Variants in RPGRIP1L observed in about 807,000 individuals in gnomAD.
RPGRIP1L encodes the protein RPGRIP1 like.
A neutral mutation model predicts 160.4 loss-of-function variants in RPGRIP1L; 131 were observed. That is an observed-to-expected ratio of 0.82 (90% CI 0.71 to 0.94). The LOEUF is 0.94. Among genes scored for constraint, RPGRIP1L ranks in the 40% least tolerant of loss-of-function variants. The pLI is 0.00. For synonymous variants in RPGRIP1L, 510 were observed against 515.8 expected, an observed-to-expected ratio of 0.99 and a Z score of 0.15; for missense variants, 1,522 against 1,535.8, an observed-to-expected ratio of 0.99 and a Z score of 0.15.
At chr16:53,642,218 C>G (rs943594760) in intron 17 of RPGRIP1L, among the ~76,000 whole-genome samples, 1 of 151,492 alleles carries the variant, frequency 6.6e-6, no homozygotes, top group Admixed American at 6.6e-5. Context: ...GTTCTCACTA[C>G]GTTGCCCAGG....
Position 53,692,332 on chromosome 16 carries a change from T to A in RPGRIP1L, c.263A>T (p.Asp88Val), listed in dbSNP as rs1970445066. 1.2e-6 allele frequency: 2 copies of A among 1,614,058 alleles called. No homozygotes were observed. The highest frequency in any genetic ancestry group is 1.7e-6 in the Non-Finnish European group (2 of 1,180,026). ...ACCAACCCGCTCATATCTTTTCTTGTCATTAACTAGCCGTATTAACTTGGT... is the reference window on the plus strand; with the variant it reads ...ACCAACCCGCTCATATCTTTTCTTGACATTAACTAGCCGTATTAACTTGGT... ...MATKLIRLVN[D>V]KKRYERVGGG... is the part of the protein sequence containing the mutation. Residue 88 changes from aspartate (D) to valine (V), a missense_variant, in exon 4 of 27, where the codon GAC (aspartate) becomes GTC (valine). Coordinates refer to ENST00000647211, the MANE Select transcript of RPGRIP1L (RefSeq NM_015272.5).
At chr16:53,608,636 T>C (rs1963833300) in intron 25 of RPGRIP1L, among the ~76,000 whole-genome samples, 1 of 152,220 alleles carries the variant, frequency 6.6e-6, no homozygotes, top group Non-Finnish European at 1.5e-5. Flanking sequence ...TCTATAACTT[T>C]AGACATGTCG....
At chr16:53,676,723 C>G (rs963753143) in intron 6 of RPGRIP1L, among the ~76,000 whole-genome samples, 1 of 152,046 alleles carries the variant, frequency 6.6e-6, no homozygotes, top group African/African-American at 2.4e-5. Context: ...ACCTCCGCCT[C>G]CTGGTTTCAA....
At chr16:53,689,184 G>A (rs367631162) in intron 4 of RPGRIP1L, among the ~76,000 whole-genome samples, 103 of 151,864 alleles carry the variant, frequency 6.8e-4, no homozygotes, top group African/African-American at 2.4e-3. Context: ...CATACAATGT[G>A]TAATGATCCA....
chr16:53,670,726 T>A (rs1350813582), intron 9 of RPGRIP1L, among the ~76,000 whole-genome samples: 1 of 152,112 alleles, frequency 6.6e-6, no homozygotes, highest in Non-Finnish European at 1.5e-5. Context: ...ACAGAATAAC[T>A]CTCAGTTAAT....
At chr16:53,634,997 A>G (rs1342914424) in intron 22 of RPGRIP1L, among the ~76,000 whole-genome samples, 11 of 152,218 alleles carry the variant, frequency 7.2e-5, no homozygotes, top group African/African-American at 2.2e-4. Flanking sequence ...TGAAACCATT[A>G]TAGGAAATCA....
chr16:53,703,706 C>T (rs753260727), intron 1 of RPGRIP1L, 97 bp downstream of exon 1: 7 of 249,880 alleles, frequency 2.8e-5, no homozygotes, highest in Non-Finnish European at 5.7e-5. Context: ...CTTCTCCAGG[C>T]GGCAGAGCGG....
chr16:53,645,426 A>AT (rs1038569740), intron 17 of RPGRIP1L, among the ~76,000 whole-genome samples, 199 bp downstream of exon 17: 1 of 152,020 alleles, frequency 6.6e-6, no homozygotes, highest in African/African-American at 2.4e-5. Flanking sequence ...GTTAGTATTA[A>AT]TTTTAACTTA....
intron 22 of RPGRIP1L, 105 bp from the exon 23 acceptor site, chr16:53,622,461 TC>T (rs61563469): frequency 0.014 from 7,496 of 525,490 alleles, 184 homozygotes; most frequent in African/African-American, 0.07. Flanking sequence ...CCCTCTCCTC[TC>T]CCCCAATCCT....
At position 53,605,023 on chromosome 16, in the gene RPGRIP1L, C is replaced by T. The variant is rs75728603; in HGVS notation, c.3835+458G>A. 2.9e-3 allele frequency among the ~76,000 whole-genome samples: 434 copies of T among 151,870 alleles called. 24 individuals carry two copies. In the East Asian group the frequency reaches 0.079, roughly 28 times the overall value. On this transcript the variant is annotated intron_variant, in intron 26 of 26. Transcript: ENST00000647211. ...TGAAACCCTGTCTCTATAAAAAATA[C>T]CAAAAAAATTAGCCGGGCATGGTGA... is the stretch of plus-strand genomic sequence containing the variant.
At chr16:53,690,663 T>C (rs532578272) in intron 4 of RPGRIP1L, among the ~76,000 whole-genome samples, 1 of 152,282 alleles carries the variant, frequency 6.6e-6, no homozygotes, top group East Asian at 1.9e-4. Context: ...CTTGCAGACT[T>C]TAGAGATCAT....
At chr16:53,673,297 G>C (rs571834477) in intron 7 of RPGRIP1L, among the ~76,000 whole-genome samples, 11 of 152,274 alleles carry the variant, frequency 7.2e-5, no homozygotes, top group Non-Finnish European at 1.5e-4. Context: ...ATGGTGACCA[G>C]CAAGTAAATT....
chr16:53,652,390 A>G, intron 15 of RPGRIP1L, 145 bp downstream of exon 15: 1 of 699,940 alleles, frequency 1.4e-6, no homozygotes, highest in South Asian at 1.7e-5. Flanking sequence ...CGTTTAAGAT[A>G]GTCCAATTAA....
At chr16:53,696,864 A>G (rs576452677) in intron 2 of RPGRIP1L, among the ~76,000 whole-genome samples, 147 of 152,286 alleles carry the variant, frequency 9.7e-4, no homozygotes, top group South Asian at 1.7e-3. Context: ...ACTCTTTAGC[A>G]TGTGTTTATG....
intron 24 of RPGRIP1L, among the ~76,000 whole-genome samples, chr16:53,611,880 T>TA (rs1409258288): frequency 2.0e-5 from 3 of 152,244 alleles, no homozygotes; most frequent in Non-Finnish European, 4.4e-5. Context: ...ATTTTGGATG[T>TA]AAAGGCTCCC....
chr16:53,637,607 A>C, intron 21 of RPGRIP1L, 88 bp downstream of exon 21: 1 of 1,172,952 alleles, frequency 8.5e-7, no homozygotes, highest in Non-Finnish European at 1.3e-6. Context: ...CGCTACCATT[A>C]AATGAAGATG....
At position 53,675,052 on chromosome 16, in the gene RPGRIP1L, A is replaced by G; in HGVS notation, c.847T>C (p.Ser283Pro). The G allele has an allele frequency of 6.2e-7, 1 of 1,610,870 alleles. No homozygotes were observed. Among genetic ancestry groups the G allele is most frequent in the Non-Finnish European group, 8.5e-7 (1 of 1,178,324 alleles). Residue 283 changes from serine to proline, a missense_variant, in exon 7 of 27, where the codon TCA becomes CCA. By Grantham distance (74) the Ser-to-Pro change is moderately conservative. Transcript: ENST00000647211. Reference sequence around the variant, plus strand: ...TGAATAAATTTTCCTTCCATTGCTGAAAGAGCATTGCTTTTCTCTACTAGC... The same window carrying G: ...TGAATAAATTTTCCTTCCATTGCTGGAAGAGCATTGCTTTTCTCTACTAGC... ...KQLVEKSNAL[S>P]AMEGKFIQLQ...
chr16:53,626,305 G>A (rs946119803), intron 22 of RPGRIP1L, among the ~76,000 whole-genome samples: 3 of 152,142 alleles, frequency 2.0e-5, no homozygotes, highest in Admixed American at 6.5e-5. Flanking sequence ...CAACATGACC[G>A]GTCATTCCTC....
intron 2 of RPGRIP1L, among the ~76,000 whole-genome samples, chr16:53,697,952 G>A (rs1471410433): frequency 1.3e-5 from 2 of 151,788 alleles, no homozygotes; most frequent in African/African-American, 4.8e-5. Context: ...CATCTAGGAA[G>A]TGAGGAGCGT....
Sources: gnomAD v4.1 joint callset for allele counts (sites outside exome capture counted in the v4.1 genomes callset) on GRCh38, gnomAD v4.1.1 for gene constraint, MANE v1.5 for transcripts, NCBI Gene and HGNC (gene_info 2026-07-23, HGNC 2026-07-21) for gene names.